Variants in COL19A1 observed in about 807,000 individuals in gnomAD.
COL19A1 encodes collagen alpha-1(XIX) chain.
In COL19A1, 159 loss-of-function variants were observed where a neutral mutation model predicts 190.2. The ratio of observed to expected loss-of-function variants is 0.84; its 90% confidence interval spans 0.73 to 0.95. COL19A1 has a LOEUF of 0.95. COL19A1 is among the 40% of genes least tolerant of loss of function. The probability of loss-of-function intolerance (pLI) is 0.00; values close to 1 mark genes in which losing one functional copy is unlikely to be tolerated. For synonymous variants in COL19A1, 509 were observed against 458.9 expected, an observed-to-expected ratio of 1.11 and a Z score of -1.39; for missense variants, 1,418 against 1,431.9, an observed-to-expected ratio of 0.99 and a Z score of 0.16.
At position 69,879,652 on chromosome 6, in the gene COL19A1, A is replaced by C; in HGVS notation, c.85A>C (p.Lys29Gln). ...PASTSVTVRD[K>Q]TEESCPILRI... ...TTCCACTTCCGTGACCGTTAGGGAC[A>C]AGACAGGTATCCAGGCCAACTCTTT... The change falls in exon 2 of 51, where the codon AAG (lysine) becomes CAG (glutamine). Residue 29 changes from lysine (K) to glutamine (Q), a missense_variant. Transcript: ENST00000620364. 1.2e-6 allele frequency: 2 copies of C among 1,614,140 alleles called. No homozygotes were observed. The highest frequency in any genetic ancestry group is 1.7e-6 in the Non-Finnish European group (2 of 1,179,982).
chr6:69,899,340 A>G (rs941836779), intron 3 of COL19A1, among the ~76,000 whole-genome samples: 6 of 151,940 alleles, frequency 3.9e-5, no homozygotes, highest in African/African-American at 1.4e-4. Flanking sequence ...TTTGGTAGAG[A>G]TGGGGTTTTA....
rs1211927988 is a variant in COL19A1, at chr6:70,149,740, G to C, written c.1929+1G>C. ...ACCAGCTGGAGAGCCAGGTATTCAG[G>C]TAAGCTATTTAACTAATTTTTTAGC... is the stretch of plus-strand genomic sequence containing the variant. On this transcript the variant is annotated splice_donor_variant, in intron 28 of 50. Coordinates refer to ENST00000620364, the MANE Select transcript of COL19A1 (RefSeq NM_001858.6). LOFTEE classifies it high-confidence loss of function. 2 of 1,613,590 alleles carry C rather than the reference G, an allele frequency of 1.2e-6. No individual in the cohort carries two copies. The highest frequency in any genetic ancestry group is 3.3e-5 in the Admixed American group (2 of 59,964).
At chr6:70,196,210 G>A (rs1460504922) in intron 48 of COL19A1, among the ~76,000 whole-genome samples, 1 of 152,126 alleles carries the variant, frequency 6.6e-6, no homozygotes, top group Non-Finnish European at 1.5e-5. Flanking sequence ...TGCCCTTTAG[G>A]AGAGAACTAT....
intron 48 of COL19A1, among the ~76,000 whole-genome samples, chr6:70,192,480 T>C (rs1766935860): frequency 7.7e-6 from 1 of 129,678 alleles, no homozygotes; most frequent in African/African-American, 2.8e-5. Flanking sequence ...TCTTTCTTTA[T>C]TTCTCTCTCT....
At chr6:69,905,303 C>T (rs1770475420) in intron 4 of COL19A1, among the ~76,000 whole-genome samples, 1 of 152,210 alleles carries the variant, frequency 6.6e-6, no homozygotes, top group Non-Finnish European at 1.5e-5. Flanking sequence ...TTTTATTCAG[C>T]AGCTCTCTCA....
chr6:69,903,745 T>C (rs1241351702), intron 4 of COL19A1, among the ~76,000 whole-genome samples: 1 of 152,186 alleles, frequency 6.6e-6, no homozygotes, highest in East Asian at 1.9e-4. Flanking sequence ...AAACTATCTG[T>C]GGTCACATGC....
intron 1 of COL19A1, among the ~76,000 whole-genome samples, chr6:69,874,311 CT>C (rs138302608): frequency 0.018 from 2,765 of 152,324 alleles, 93 homozygotes; most frequent in African/African-American, 0.063. Flanking sequence ...GGTTTACAAT[CT>C]GAACAATTTG....
At chr6:70,045,656 G>A (rs781588419) in intron 14 of COL19A1, among the ~76,000 whole-genome samples, 1 of 152,198 alleles carries the variant, frequency 6.6e-6, no homozygotes, top group Non-Finnish European at 1.5e-5. Flanking sequence ...GTGTATGTTT[G>A]GTTAGGAGTC....
chr6:70,095,828 T>C (rs1275833322), intron 15 of COL19A1, among the ~76,000 whole-genome samples: 1 of 152,146 alleles, frequency 6.6e-6, no homozygotes, highest in Non-Finnish European at 1.5e-5. Flanking sequence ...TAGTATAATG[T>C]CCTCAAGGTT....
intron 12 of COL19A1, among the ~76,000 whole-genome samples, chr6:70,028,119 G>C (rs1778825199): frequency 6.6e-6 from 1 of 152,094 alleles, no homozygotes; most frequent in African/African-American, 2.4e-5. Context: ...GAAATGAACT[G>C]ACAATGGACA....
chr6:70,077,596 T>G (rs1338860816), intron 15 of COL19A1, among the ~76,000 whole-genome samples: 1 of 152,168 alleles, frequency 6.6e-6, no homozygotes, highest in East Asian at 1.9e-4. Flanking sequence ...TTCACAACAG[T>G]ATACAACGTA....
intron 4 of COL19A1, among the ~76,000 whole-genome samples, chr6:69,923,878 C>A (rs146679963): frequency 3.2e-4 from 48 of 152,228 alleles, no homozygotes; most frequent in Middle Eastern, 3.4e-3. Context: ...GGCTGGGATG[C>A]TTTTGGGTAA....
chr6:70,053,923 A>G (rs1035675990), intron 14 of COL19A1, among the ~76,000 whole-genome samples: 16 of 152,256 alleles, frequency 1.1e-4, no homozygotes, highest in Non-Finnish European at 1.8e-4. Context: ...AGAATTAACT[A>G]TAAATATTTA....
At position 69,935,716 on chromosome 6, in the gene COL19A1, T is replaced by A. The variant is rs75774137; in HGVS notation, c.748-1069T>A. Among the ~76,000 whole-genome samples, 3 of 150,434 alleles carry A rather than the reference T, an allele frequency of 2.0e-5. No homozygotes were observed. In the East Asian group the frequency reaches 5.8e-4, roughly 29 times the overall value. On this transcript the variant is annotated intron_variant, in intron 7 of 50. Coordinates refer to ENST00000620364, the MANE Select transcript of COL19A1 (RefSeq NM_001858.6). ...TCAACTACTACCAAGTTTTTTTTTT[T>A]ATTTCTTATTTCCAACTTTTATTTT...
At chr6:69,899,465 A>C (rs1770015162) in intron 3 of COL19A1, among the ~76,000 whole-genome samples, 1 of 152,100 alleles carries the variant, frequency 6.6e-6, no homozygotes, top group African/African-American at 2.4e-5. Context: ...TAAAAATTTA[A>C]GGTAGATGAT....
At chr6:70,122,142 G>T (rs952480394) in intron 17 of COL19A1, among the ~76,000 whole-genome samples, 200 bp downstream of exon 17, 3 of 151,954 alleles carry the variant, frequency 2.0e-5, no homozygotes, top group African/African-American at 7.3e-5. Context: ...CAAATCTAGG[G>T]TTTTATCCTA....
rs114530111 is a variant in COL19A1, at chr6:70,052,358, A to G, written c.1171-16065A>G. 2.1e-3 allele frequency among the ~76,000 whole-genome samples: 325 copies of G among 152,280 alleles called. 1 individual carries two copies. The highest frequency in any genetic ancestry group is 7.5e-3 in the African/African-American group (311 of 41,554). ...GCAGTTAGTGCCTCACTCACAAGAT[A>G]AATAGAAATGCAAAAGACTCAGAGC... On this transcript the variant is annotated intron_variant, in intron 14 of 50. Coordinates refer to ENST00000620364, the MANE Select transcript of COL19A1 (RefSeq NM_001858.6).
intron 2 of COL19A1, among the ~76,000 whole-genome samples, chr6:69,884,425 C>A (rs1397784200): frequency 4.0e-5 from 6 of 151,436 alleles, no homozygotes; most frequent in Admixed American, 6.6e-5. Flanking sequence ...GAATGCCTAG[C>A]AATACAATAG....
chr6:70,095,768 A>G (rs1183591649), intron 15 of COL19A1, among the ~76,000 whole-genome samples: 2 of 152,180 alleles, frequency 1.3e-5, no homozygotes, highest in Non-Finnish European at 2.9e-5. Flanking sequence ...GATACTTCAT[A>G]TAAATGGAAT....
Sources: gnomAD v4.1 joint callset for allele counts (sites outside exome capture counted in the v4.1 genomes callset) on GRCh38, gnomAD v4.1.1 for gene constraint, MANE v1.5 for transcripts, NCBI Gene and HGNC (gene_info 2026-07-23, HGNC 2026-07-21) for gene names.